The following CAMK1D variants were observed in gnomAD, a reference collection of about 807,000 sequenced individuals.
CAMK1D encodes the protein calcium/calmodulin-dependent protein kinase type 1D.
CAMK1D carries 9 observed loss-of-function variants against 47.7 expected under a neutral mutation model. The observed-to-expected ratio is 0.19, with a 90% CI of 0.11 to 0.33. The LOEUF is 0.33. Among genes scored for constraint, CAMK1D ranks in the 10% least tolerant of loss-of-function variants. The pLI is 1.00. For missense variants in CAMK1D, 291 were observed against 488.7 expected (o/e 0.60, Z 3.81); for synonymous variants, 184 against 184.9 (o/e 0.99, Z 0.04).
intron 1 of CAMK1D, among the ~76,000 whole-genome samples, chr10:12,476,194 G>A (rs1588529838): frequency 1.3e-5 from 2 of 151,890 alleles, no homozygotes; most frequent in South Asian, 2.1e-4. Context: ...CAGGAGGCTG[G>A]GGCAGGAGAA....
At chr10:12,678,033 G>A (rs374763130) in intron 3 of CAMK1D, among the ~76,000 whole-genome samples, 8 of 150,530 alleles carry the variant, frequency 5.3e-5, no homozygotes, top group Non-Finnish European at 1.5e-5. Flanking sequence ...AGAAGATAAA[G>A]AAAAAAAAAG....
chr10:12,810,075 G>A (rs1169374790), intron 6 of CAMK1D, among the ~76,000 whole-genome samples: 1 of 151,090 alleles, frequency 6.6e-6, no homozygotes, highest in South Asian at 2.1e-4. Context: ...TTGAGTCTGG[G>A]AGATGGGAGG....
chr10:12,792,876 T>G (rs1275636560), intron 6 of CAMK1D, among the ~76,000 whole-genome samples: 1 of 152,216 alleles, frequency 6.6e-6, no homozygotes, highest in Non-Finnish European at 1.5e-5. Context: ...TGCAGTTTTA[T>G]CCTTTTGAGG....
At chr10:12,455,897 T>C (rs1200609447) in intron 1 of CAMK1D, among the ~76,000 whole-genome samples, 2 of 152,254 alleles carry the variant, frequency 1.3e-5, no homozygotes, top group Non-Finnish European at 2.9e-5. Flanking sequence ...TTTAGTCTCA[T>C]ATGACTTGTA....
chr10:12,741,894 G>A (rs1032876261), intron 3 of CAMK1D, among the ~76,000 whole-genome samples: 6 of 152,142 alleles, frequency 3.9e-5, no homozygotes, highest in African/African-American at 1.2e-4. Context: ...TCCTCTCATT[G>A]TCTGGATGTG....
chr10:12,783,954 G>A (rs538955783), intron 5 of CAMK1D, among the ~76,000 whole-genome samples: 55 of 152,250 alleles, frequency 3.6e-4, no homozygotes, highest in African/African-American at 1.3e-3. Context: ...CTCCACAGGG[G>A]TCTCTGATGG....
rs56027797 is a variant in CAMK1D, at chr10:12,620,186, C to CAAAAAAAAAAAAAAAAAAAAAAAAAAA, written c.225-46544_225-46518dup. On this transcript the variant is annotated intron_variant, in intron 2 of 10. Coordinates refer to ENST00000619168, the MANE Select transcript of CAMK1D (RefSeq NM_153498.4). ...TGGGCGACAGAGCGAGACTCCGTCT[C>CAAAAAAAAAAAAAAAAAAAAAAAAAAA]AAAAAAAAAAAAAAAAAAAAAAAAA... Among the ~76,000 whole-genome samples, 58 of 86,584 alleles carry CAAAAAAAAAAAAAAAAAAAAAAAAAAA rather than the reference C, an allele frequency of 6.7e-4. 2 individuals are homozygous for CAAAAAAAAAAAAAAAAAAAAAAAAAAA. Among genetic ancestry groups the CAAAAAAAAAAAAAAAAAAAAAAAAAAA allele is most frequent in the Admixed American group, 9.5e-4 (7 of 7,352 alleles). 56.8% of individuals were successfully genotyped at this position (86,584 alleles called of 152,430 possible).
At chr10:12,493,672 T>G (rs1358633834) in intron 1 of CAMK1D, among the ~76,000 whole-genome samples, 1 of 152,102 alleles carries the variant, frequency 6.6e-6, no homozygotes, top group Non-Finnish European at 1.5e-5. Flanking sequence ...TTTTGTATTT[T>G]TAGTAGGGAT....
intron 1 of CAMK1D, among the ~76,000 whole-genome samples, chr10:12,497,513 A>G (rs906238823): frequency 6.8e-6 from 1 of 147,318 alleles, no homozygotes; most frequent in Non-Finnish European, 1.5e-5. Context: ...ATTTCTTTTT[A>G]TGGTTGTGAT....
intron 7 of CAMK1D, among the ~76,000 whole-genome samples, 187 bp downstream of exon 7, chr10:12,814,494 G>A (rs1348385687): frequency 6.6e-6 from 1 of 152,166 alleles, no homozygotes. Context: ...ATTCCTCGCA[G>A]CTCTGGAGGC....
chr10:12,431,256 T>A (rs775328660), intron 1 of CAMK1D, among the ~76,000 whole-genome samples: 2 of 152,180 alleles, frequency 1.3e-5, no homozygotes, highest in Non-Finnish European at 2.9e-5. Context: ...AACACACATC[T>A]CACCTCCACT....
intron 5 of CAMK1D, among the ~76,000 whole-genome samples, chr10:12,777,202 C>T (rs1013849123): frequency 3.3e-5 from 5 of 152,022 alleles, no homozygotes; most frequent in African/African-American, 9.6e-5. Flanking sequence ...AGCTGGATCC[C>T]GCAGAGGATA....
chr10:12,422,473 G>A (rs72769610), intron 1 of CAMK1D, among the ~76,000 whole-genome samples: 6 of 152,142 alleles, frequency 3.9e-5, no homozygotes, highest in East Asian at 3.9e-4. Context: ...CAGGTCTTAC[G>A]AGGGGATGCG....
At chr10:12,658,504 A>C (rs1475779394) in intron 2 of CAMK1D, among the ~76,000 whole-genome samples, 2 of 152,292 alleles carry the variant, frequency 1.3e-5, no homozygotes, top group East Asian at 3.9e-4. Context: ...CTATGTGCAC[A>C]AAACTAGGTA....
At chr10:12,422,827 C>T (rs1349234642) in intron 1 of CAMK1D, among the ~76,000 whole-genome samples, 1 of 152,058 alleles carries the variant, frequency 6.6e-6, no homozygotes, top group Non-Finnish European at 1.5e-5. Context: ...CGCCTGCCAC[C>T]ATGCCTGGCT....
At chr10:12,475,413 A>G (rs568176678) in intron 1 of CAMK1D, among the ~76,000 whole-genome samples, 70 of 152,148 alleles carry the variant, frequency 4.6e-4, no homozygotes, top group Non-Finnish European at 9.0e-4. Context: ...TTCACTTAGC[A>G]TAATGTCCTC....
intron 1 of CAMK1D, among the ~76,000 whole-genome samples, chr10:12,530,062 G>A (rs1835754649): frequency 6.6e-6 from 1 of 152,198 alleles, no homozygotes; most frequent in African/African-American, 2.4e-5. Context: ...ATATACGTAA[G>A]CATACAATGT....
At chr10:12,449,809 G>A (rs1328463353) in intron 1 of CAMK1D, among the ~76,000 whole-genome samples, 3 of 152,126 alleles carry the variant, frequency 2.0e-5, no homozygotes, top group Non-Finnish European at 4.4e-5. Context: ...GATTAGCCTG[G>A]CCAACATGGC....
chr10:12,571,299 A>C (rs1301891494), intron 2 of CAMK1D, among the ~76,000 whole-genome samples: 1 of 151,724 alleles, frequency 6.6e-6, no homozygotes, highest in Non-Finnish European at 1.5e-5. Context: ...AATACAAAAA[A>C]TCAGCCGGGC....
Sources: allele counts gnomAD v4.1 joint callset (sites outside exome capture counted in the v4.1 genomes callset), GRCh38; gene constraint gnomAD v4.1.1; transcripts MANE v1.5; gene names NCBI Gene and HGNC (gene_info 2026-07-23, HGNC 2026-07-21).